The following OPCML variants were observed in gnomAD, a reference collection of about 807,000 sequenced individuals.
OPCML encodes opioid-binding protein/cell adhesion molecule.
OPCML carries 13 observed loss-of-function variants against 37.8 expected under a neutral mutation model. That is an observed-to-expected ratio of 0.34 (90% confidence interval 0.22 to 0.55). The LOEUF (loss-of-function observed/expected upper bound fraction) is 0.55, where lower values mean the gene tolerates loss of function less well. Ranked by LOEUF, OPCML falls within the 20% of genes least tolerant of loss-of-function variation. OPCML has a pLI of 0.91. For synonymous variants in OPCML, 176 were observed against 168.8 expected (o/e 1.04, Z -0.33); for missense variants, 341 against 435.6 (o/e 0.78, Z 1.93).
Position 133,144,558 on chromosome 11 carries a change from C to T in OPCML, c.62-201548G>A, listed in dbSNP as rs7480364. Among the ~76,000 whole-genome samples the T allele has an allele frequency of 7.2e-3, 1,094 of 152,304 alleles. 14 individuals carry two copies. Among genetic ancestry groups the T allele is most frequent in the African/African-American group, 0.025 (1,025 of 41,572 alleles). On this transcript the variant is annotated intron_variant, in intron 1 of 7. Transcript: ENST00000524381. ...CCAGGGAAGCCTTCAGCTGTGCTTTCGGCACATGGGAAGCATCTAGCACGC... is the reference window on the plus strand; with the variant it reads ...CCAGGGAAGCCTTCAGCTGTGCTTTTGGCACATGGGAAGCATCTAGCACGC...
At chr11:132,947,899 G>A (rs1264890700) in intron 1 of OPCML, among the ~76,000 whole-genome samples, 1 of 152,142 alleles carries the variant, frequency 6.6e-6, no homozygotes, top group Non-Finnish European at 1.5e-5. Flanking sequence ...CTACTGTTGA[G>A]TATCCCAAAT....
At chr11:132,719,495 T>C (rs992354241) in intron 2 of OPCML, among the ~76,000 whole-genome samples, 14 of 152,114 alleles carry the variant, frequency 9.2e-5, no homozygotes, top group Non-Finnish European at 1.6e-4. Context: ...ATTAACAATG[T>C]GGTCGCAGGC....
At chr11:133,306,594 T>G (rs1417011174) in intron 1 of OPCML, among the ~76,000 whole-genome samples, 2 of 86,298 alleles carry the variant, frequency 2.3e-5, no homozygotes, top group Non-Finnish European at 4.1e-5. Context: ...TGTACTGTGA[T>G]AACAATGACA....
chr11:133,309,183 G>A (rs1943009208), intron 1 of OPCML, among the ~76,000 whole-genome samples: 1 of 152,100 alleles, frequency 6.6e-6, no homozygotes, highest in Admixed American at 6.6e-5. Context: ...TTTACAAAGG[G>A]AATAAAGTAA....
At chr11:133,128,610 C>T (rs563663000) in intron 1 of OPCML, among the ~76,000 whole-genome samples, 22 of 152,272 alleles carry the variant, frequency 1.4e-4, no homozygotes, top group East Asian at 9.7e-4. Flanking sequence ...CGTGAGTCTC[C>T]GAAGGAGCCT....
intron 2 of OPCML, among the ~76,000 whole-genome samples, chr11:132,816,161 C>T (rs766056276): frequency 1.1e-4 from 17 of 152,160 alleles, no homozygotes; most frequent in African/African-American, 3.6e-4. Flanking sequence ...TGAAAAATCA[C>T]GTAGGATGAT....
chr11:132,963,358 G>C (rs975648912), intron 1 of OPCML, among the ~76,000 whole-genome samples: 21 of 151,954 alleles, frequency 1.4e-4, no homozygotes, highest in Non-Finnish European at 2.5e-4. Context: ...TTGGGAGTTC[G>C]AGGTGGGCGG....
chr11:132,638,619 CTGAT>C (rs1035634645), intron 3 of OPCML, among the ~76,000 whole-genome samples: 1 of 152,156 alleles, frequency 6.6e-6, no homozygotes, highest in Non-Finnish European at 1.5e-5. Flanking sequence ...TGTGGAACCT[CTGAT>C]TGGCCTTTTG....
intron 1 of OPCML, among the ~76,000 whole-genome samples, chr11:133,081,074 G>A (rs1030280308): frequency 6.6e-6 from 1 of 152,130 alleles, no homozygotes; most frequent in African/African-American, 2.4e-5. Context: ...GGAAGGACCC[G>A]AAGCCGAGAT....
chr11:133,184,137 G>A (rs928424676), intron 1 of OPCML, among the ~76,000 whole-genome samples: 2 of 152,134 alleles, frequency 1.3e-5, no homozygotes, highest in African/African-American at 4.8e-5. Context: ...GGTTGGAGTG[G>A]CAAGTGACTG....
intron 3 of OPCML, among the ~76,000 whole-genome samples, chr11:132,651,049 T>G (rs1244993575): frequency 6.6e-6 from 1 of 152,206 alleles, no homozygotes; most frequent in African/African-American, 2.4e-5. Context: ...CTGGGCCTGC[T>G]GCAACCGCTC....
chr11:133,190,580 C>T (rs934897483), intron 1 of OPCML, among the ~76,000 whole-genome samples: 1 of 152,164 alleles, frequency 6.6e-6, no homozygotes, highest in African/African-American at 2.4e-5. Context: ...AATTTTAGAA[C>T]ATTTTCATCA....
chr11:133,181,984 G>A (rs1400200619), intron 1 of OPCML, among the ~76,000 whole-genome samples: 1 of 152,178 alleles, frequency 6.6e-6, no homozygotes, highest in Non-Finnish European at 1.5e-5. Context: ...CCAGAAAAGA[G>A]ACACATTTTC....
At chr11:133,043,468 T>C (rs765924614) in intron 1 of OPCML, among the ~76,000 whole-genome samples, 11 of 152,326 alleles carry the variant, frequency 7.2e-5, no homozygotes, top group Non-Finnish European at 1.2e-4. Context: ...GCCTTCTTCA[T>C]GAACCACCTG....
chr11:133,390,924 G>A (rs891139813), intron 1 of OPCML, among the ~76,000 whole-genome samples: 16 of 151,942 alleles, frequency 1.1e-4, no homozygotes, highest in African/African-American at 1.7e-4. Context: ...CCAGTGGGTC[G>A]ATTCGGCAAG....
At chr11:132,629,114 G>A (rs1192770280) in intron 3 of OPCML, among the ~76,000 whole-genome samples, 1 of 152,084 alleles carries the variant, frequency 6.6e-6, no homozygotes, top group Non-Finnish European at 1.5e-5. Context: ...CCCATGGAAA[G>A]CACAGTAACA....
Position 132,935,082 on chromosome 11 carries a change from T to C in OPCML, c.146+7844A>G, listed in dbSNP as rs1379750672. Among the ~76,000 whole-genome samples, 10 of 150,200 alleles carry C rather than the reference T, an allele frequency of 6.7e-5. No homozygotes were observed. The East Asian group carries it at 2.0e-3, about 29-fold the overall frequency. On this transcript the variant is annotated intron_variant, in intron 2 of 7. Coordinates refer to ENST00000524381, the MANE Select transcript of OPCML (RefSeq NM_001012393.5). Reference sequence around the variant, plus strand: ...TGAACCCAGGAGGTGGAGGTTGCGGTGAGCCAAGATCGCACCATTGCACTC... The same window carrying C: ...TGAACCCAGGAGGTGGAGGTTGCGGCGAGCCAAGATCGCACCATTGCACTC...
At chr11:132,808,997 T>G (rs972339409) in intron 2 of OPCML, among the ~76,000 whole-genome samples, 2 of 151,288 alleles carry the variant, frequency 1.3e-5, no homozygotes, top group South Asian at 2.1e-4. Context: ...GGCGGGGGGG[T>G]TGCTTTTTAA....
intron 2 of OPCML, among the ~76,000 whole-genome samples, chr11:132,838,041 C>G (rs1054080016): frequency 6.6e-6 from 1 of 152,200 alleles, no homozygotes; most frequent in Non-Finnish European, 1.5e-5. Context: ...AGATTGCATA[C>G]GGCCCACCTT....
Sources: allele counts gnomAD v4.1 joint callset (sites outside exome capture counted in the v4.1 genomes callset), GRCh38; gene constraint gnomAD v4.1.1; transcripts MANE v1.5; gene names NCBI Gene and HGNC (gene_info 2026-07-23, HGNC 2026-07-21).